Variants in AACS observed in about 807,000 individuals in gnomAD.
AACS encodes the protein acetoacetyl-CoA synthetase.
Under a neutral mutation model 83.1 loss-of-function variants are expected in AACS, and 69 were observed. The observed-to-expected ratio is 0.83, with a 90% CI of 0.68 to 1.01. AACS has a LOEUF of 1.01. Ranked by LOEUF, AACS falls within the 50% of genes least tolerant of loss-of-function variation. AACS has a pLI of 0.00. For missense variants in AACS, 866 were observed against 882.2 expected (o/e 0.98, Z 0.23); for synonymous variants, 333 against 343.4 (o/e 0.97, Z 0.33).
Position 125,076,559 on chromosome 12 carries a change from A to C in AACS, c.306A>C (p.Ala102=). 6.2e-7 allele frequency: 1 copy of C among 1,614,212 alleles called. No individual in the cohort carries two copies. The highest frequency in any genetic ancestry group is 8.5e-7 in the Non-Finnish European group (1 of 1,180,034). ...TCAAAGGCAGTCGGCTCAACTATGC[A>C]GAAAACCTCCTGCGGCACAAAGAGA... is the stretch of plus-strand genomic sequence containing the variant. ...EWFKGSRLNY[A]ENLLRHKEND... Residue 102 remains alanine (A), a synonymous_variant, in exon 3 of 18, where the codon GCA becomes GCC. Transcript: ENST00000316519.
rs1035420309 is a variant in AACS, at chr12:125,113,676, C to T, written c.916-801C>T. On this transcript the variant is annotated intron_variant, in intron 8 of 17. Transcript: ENST00000316519. The surrounding 1 kb of genome is among the most constrained non-coding windows in gnomAD (Gnocchi z 4.8). ...GCTGTTAGGTGGAAAAGGCAAAGTG[C>T]GGGACACTGTGTCACAATGAACAAA... Among the ~76,000 whole-genome samples, 4 of 152,150 alleles carry T rather than the reference C, an allele frequency of 2.6e-5. No homozygotes were observed. The highest frequency in any genetic ancestry group is 4.8e-5 in the African/African-American group (2 of 41,426).
intron 3 of AACS, chr12:125,078,501 C>A (rs1594578686): frequency 2.7e-6 from 1 of 369,378 alleles, no homozygotes; most frequent in East Asian, 7.3e-5. Flanking sequence ...TCTGTTACAT[C>A]CATTTGTTCC....
chr12:125,140,199 G>T lies in AACS; in HGVS notation c.1882-1893G>T. ...GCTCGGGTCATGGCTGGGATGTCTG[G>T]CCCTTCCTGACAGGAGGCTGCTGGG... On this transcript the variant is annotated intron_variant, in intron 17 of 17. Transcript: ENST00000316519. The surrounding 1 kb of genome is among the most constrained non-coding windows in gnomAD (Gnocchi z 5.1). 1 of 152,246 alleles carries T rather than the reference G, an allele frequency of 6.6e-6. No individual in the cohort carries two copies. The highest frequency in any genetic ancestry group is 1.5e-5 in the Non-Finnish European group (1 of 68,034). 9.4% of individuals were successfully genotyped at this position (152,246 alleles called of 1,614,324 possible).
chr12:125,137,858 G>A (rs1957422267), intron 17 of AACS, among the ~76,000 whole-genome samples: 1 of 152,324 alleles, frequency 6.6e-6, no homozygotes, highest in African/African-American at 2.4e-5. Flanking sequence ...CACTCACTGG[G>A]TTCCCAGGGG....
chr12:125,111,931 C>T (rs184986870), intron 8 of AACS, among the ~76,000 whole-genome samples: 1 of 152,272 alleles, frequency 6.6e-6, no homozygotes, highest in East Asian at 1.9e-4. Flanking sequence ...TTGTTTTGTG[C>T]CATCTGAGAG....
At chr12:125,095,277 C>G (rs575122520) in intron 5 of AACS, among the ~76,000 whole-genome samples, 1 of 152,322 alleles carries the variant, frequency 6.6e-6, no homozygotes, top group African/African-American at 2.4e-5. Context: ...AGGAAAACTT[C>G]AGCTGTGTCA....
intron 3 of AACS, among the ~76,000 whole-genome samples, chr12:125,077,606 A>T (rs1956057650): frequency 6.6e-6 from 1 of 152,182 alleles, no homozygotes; most frequent in African/African-American, 2.4e-5. Flanking sequence ...GATAAACTGA[A>T]GTCGTGTTCT....
intron 1 of AACS, among the ~76,000 whole-genome samples, chr12:125,070,789 A>T (rs977901058): frequency 6.6e-6 from 1 of 152,172 alleles, no homozygotes; most frequent in Non-Finnish European, 1.5e-5. Flanking sequence ...CAAGGCACGA[A>T]GTCTCAGTTA....
intron 9 of AACS, among the ~76,000 whole-genome samples, chr12:125,117,380 C>T (rs1957073194): frequency 6.6e-6 from 1 of 151,920 alleles, no homozygotes; most frequent in African/African-American, 2.4e-5. Flanking sequence ...TGCCACTGCA[C>T]TCCAGCCTAG....
At chr12:125,090,171 T>A (rs1282902769) in intron 4 of AACS, among the ~76,000 whole-genome samples, 1 of 68,128 alleles carries the variant, frequency 1.5e-5, no homozygotes. Flanking sequence ...ATCCATCCTG[T>A]CTATACATTC....
At chr12:125,083,865 G>A (rs1322687828) in intron 3 of AACS, among the ~76,000 whole-genome samples, 1 of 151,796 alleles carries the variant, frequency 6.6e-6, no homozygotes, top group Non-Finnish European at 1.5e-5. Context: ...TGTTGGCCAG[G>A]CTGGTCTTGA....
At chr12:125,092,929 T>C (rs1246723776) in intron 5 of AACS, among the ~76,000 whole-genome samples, 4 of 152,044 alleles carry the variant, frequency 2.6e-5, no homozygotes, top group Non-Finnish European at 4.4e-5. Flanking sequence ...GATGGCAGGG[T>C]GTGCTCAAGG....
chr12:125,090,493 C>A (rs533095645), intron 4 of AACS, among the ~76,000 whole-genome samples: 1 of 152,280 alleles, frequency 6.6e-6, no homozygotes, highest in South Asian at 2.1e-4. Context: ...CTCTACCTAC[C>A]CATTCACCCA....
intron 9 of AACS, among the ~76,000 whole-genome samples, chr12:125,115,739 C>T (rs1957042259): frequency 6.6e-6 from 1 of 152,002 alleles, no homozygotes; most frequent in African/African-American, 2.4e-5. Context: ...CACCCATGAC[C>T]TCACACAGGT....
At chr12:125,134,183 T>A (rs749841358) in intron 15 of AACS, 111 bp downstream of exon 15, 5 of 1,154,078 alleles carry the variant, frequency 4.3e-6, no homozygotes, top group Non-Finnish European at 6.1e-6. Context: ...CCTGGGCACC[T>A]CACTCCACTC....
At chr12:125,134,503 A>T (rs1957372382) in intron 15 of AACS, among the ~76,000 whole-genome samples, 1 of 152,014 alleles carries the variant, frequency 6.6e-6, no homozygotes, top group African/African-American at 2.4e-5. Flanking sequence ...GAGTGTCAGG[A>T]TGGGGGTTCC....
At chr12:125,074,155 C>T (rs539456897) in intron 2 of AACS, among the ~76,000 whole-genome samples, 176 bp downstream of exon 2, 2 of 152,292 alleles carry the variant, frequency 1.3e-5, no homozygotes, top group Admixed American at 6.5e-5. Flanking sequence ...GAGAACTTTG[C>T]AGCCTGTTAA....
chr12:125,093,269 C>G (rs1220442617), intron 5 of AACS, among the ~76,000 whole-genome samples: 3 of 152,246 alleles, frequency 2.0e-5, no homozygotes, highest in African/African-American at 7.2e-5. Flanking sequence ...CCTCCTCCCC[C>G]TGGAGAGGTG....
In AACS at chr12:125,142,479, A is replaced by T. The variant is rs1957516192; in HGVS notation, c.*250A>T. On this transcript the variant is annotated 3_prime_UTR_variant, in exon 18 of 18. Coordinates refer to ENST00000316519, the MANE Select transcript of AACS (RefSeq NM_023928.5). ...GCCGCAGGTGTGGCACTGTGGTGAG[A>T]GTGTGTGTCTTTGCACACACAGTGC... 1.7e-5 allele frequency: 9 copies of T among 525,594 alleles called. No individual in the cohort carries two copies. Among genetic ancestry groups the T allele is most frequent in the East Asian group, 3.3e-5 (1 of 29,920 alleles). 32.6% of individuals were successfully genotyped at this position (525,594 alleles called of 1,614,324 possible).
Sources: gnomAD v4.1 joint callset for allele counts (sites outside exome capture counted in the v4.1 genomes callset) on GRCh38, gnomAD v4.1.1 for gene constraint, Gnocchi (gnomAD v3.1) non-coding constraint, MANE v1.5 for transcripts, NCBI Gene and HGNC (gene_info 2026-07-23, HGNC 2026-07-21) for gene names.